Variants in EPHA3 observed in about 807,000 individuals in gnomAD.
EPHA3 encodes ephrin type-A receptor 3.
In EPHA3, 42 loss-of-function variants were observed where a neutral mutation model predicts 107.1. That is an observed-to-expected ratio of 0.39 (90% CI 0.31 to 0.51). EPHA3 has a LOEUF of 0.51. Ranked by LOEUF, EPHA3 falls within the 20% of genes least tolerant of loss-of-function variation. EPHA3 has a pLI of 0.78. For missense variants in EPHA3, 1,183 were observed against 1,211.2 expected, an observed-to-expected ratio of 0.98 and a Z score of 0.35; for synonymous variants, 461 against 424.8, an observed-to-expected ratio of 1.09 and a Z score of -1.05.
At chr3:89,295,609 A>G (rs1706329584) in intron 3 of EPHA3, among the ~76,000 whole-genome samples, 1 of 151,976 alleles carries the variant, frequency 6.6e-6, no homozygotes, top group Admixed American at 6.6e-5. Context: ...ATATTTTGAG[A>G]CAGACTCTCT....
chr3:89,404,481 C>T (rs1709019210), intron 7 of EPHA3, among the ~76,000 whole-genome samples: 1 of 152,110 alleles, frequency 6.6e-6, no homozygotes, highest in Non-Finnish European at 1.5e-5. Flanking sequence ...AAAGCCAGCA[C>T]TCTGTGTAGG....
At chr3:89,296,969 T>C (rs1231873413) in intron 3 of EPHA3, among the ~76,000 whole-genome samples, 1 of 152,210 alleles carries the variant, frequency 6.6e-6, no homozygotes, top group Non-Finnish European at 1.5e-5. Flanking sequence ...CTCTGCTAGC[T>C]GTCAACATTT....
rs1451250343 is a variant in EPHA3, at chr3:89,165,797, G to C, written c.153+38524G>C. ...CAGGCCTTGAATGATAAAGGCCCCTGCCGTTCTGGAACTTGGTCATGCTGT... is the reference window on the plus strand; with the variant it reads ...CAGGCCTTGAATGATAAAGGCCCCTCCCGTTCTGGAACTTGGTCATGCTGT... On this transcript the variant is annotated intron_variant, in intron 2 of 16. Transcript: ENST00000336596. 2.6e-5 allele frequency among the ~76,000 whole-genome samples: 4 copies of C among 152,128 alleles called. No homozygotes were observed. In the East Asian group the frequency reaches 7.7e-4, roughly 29 times the overall value.
Position 89,368,317 on chromosome 3 carries a change from A to T in EPHA3, c.1306+26227A>T, listed in dbSNP as rs1272258524. 1.3e-5 allele frequency among the ~76,000 whole-genome samples: 2 copies of T among 150,580 alleles called. 1 individual carries two copies. The highest frequency in any genetic ancestry group is 3.0e-5 in the Non-Finnish European group (2 of 67,196). On this transcript the variant is annotated intron_variant, in intron 5 of 16. Coordinates refer to ENST00000336596, the MANE Select transcript of EPHA3 (RefSeq NM_005233.6). ...AATTAAAAAAAGACAAAGCAGAACT[A>T]TAAGGTAGTATATTAGTTAGGGCAC...
intron 3 of EPHA3, among the ~76,000 whole-genome samples, chr3:89,335,465 C>A (rs1410508632): frequency 4.6e-5 from 7 of 152,248 alleles, no homozygotes; most frequent in African/African-American, 1.7e-4. Flanking sequence ...TCATTCACAT[C>A]ATAGCAAGTG....
At chr3:89,136,453 T>C (rs779403722) in intron 2 of EPHA3, among the ~76,000 whole-genome samples, 1 of 150,974 alleles carries the variant, frequency 6.6e-6, no homozygotes, top group Non-Finnish European at 1.5e-5. Context: ...TAGCGACTTT[T>C]AATTTATAAA....
chr3:89,300,166 T>C (rs770644561), intron 3 of EPHA3, among the ~76,000 whole-genome samples: 2 of 151,946 alleles, frequency 1.3e-5, no homozygotes, highest in Non-Finnish European at 2.9e-5. Flanking sequence ...AAGAAACTAC[T>C]AAAGTCTCAA....
chr3:89,374,941 C>T (rs1329438458), intron 5 of EPHA3, among the ~76,000 whole-genome samples: 1 of 151,774 alleles, frequency 6.6e-6, no homozygotes, highest in African/African-American at 2.4e-5. Flanking sequence ...CTTCATTCCA[C>T]TATAGCAACT....
chr3:89,206,623 A>G (rs1706113261), intron 2 of EPHA3, among the ~76,000 whole-genome samples: 1 of 152,142 alleles, frequency 6.6e-6, no homozygotes, highest in African/African-American at 2.4e-5. Context: ...TTTTAACACC[A>G]GAGATTTTTG....
intron 3 of EPHA3, among the ~76,000 whole-genome samples, chr3:89,339,370 CAAAAAA>C (rs10575384): frequency 1.9e-5 from 2 of 106,632 alleles, no homozygotes; most frequent in African/African-American, 3.6e-5. Flanking sequence ...GACTCCATCT[CAAAAAA>C]AAAAAAAAAA....
At chr3:89,475,022 A>G (rs1013345918) in intron 16 of EPHA3, among the ~76,000 whole-genome samples, 1 of 152,102 alleles carries the variant, frequency 6.6e-6, no homozygotes, top group African/African-American at 2.4e-5. Flanking sequence ...TTTCTCCTCA[A>G]TTCAGGGACA....
intron 2 of EPHA3, among the ~76,000 whole-genome samples, chr3:89,195,593 T>C (rs1017008051): frequency 6.6e-6 from 1 of 152,154 alleles, no homozygotes; most frequent in African/African-American, 2.4e-5. Context: ...ATATCAATCG[T>C]TTGTCAAGTC....
chr3:89,378,645 C>T (rs1409391382), intron 5 of EPHA3, among the ~76,000 whole-genome samples: 1 of 152,118 alleles, frequency 6.6e-6, no homozygotes, highest in Non-Finnish European at 1.5e-5. Context: ...TCTATATAGG[C>T]TAATGACAAT....
intron 3 of EPHA3, among the ~76,000 whole-genome samples, chr3:89,315,645 A>G (rs1706879844): frequency 1.3e-5 from 2 of 150,878 alleles, no homozygotes; most frequent in South Asian, 2.1e-4. Flanking sequence ...AATCTTGTCC[A>G]CTTAACCATC....
rs1199524214 is a variant in EPHA3 at position 89,205,131 on chromosome 3, A to G, written c.154-4729A>G. 2.0e-5 allele frequency among the ~76,000 whole-genome samples: 3 copies of G among 152,308 alleles called. No homozygotes were observed. The East Asian group carries it at 5.8e-4, about 29-fold the overall frequency. ...GCAATCTTAATATTTTCCAAATTAT[A>G]TTAGCTTGTGCACTAAATTTATTGC... On this transcript the variant is annotated intron_variant, in intron 2 of 16. Coordinates refer to ENST00000336596, the MANE Select transcript of EPHA3 (RefSeq NM_005233.6).
At chr3:89,381,936 C>T (rs1294923936) in intron 5 of EPHA3, among the ~76,000 whole-genome samples, 2 of 152,100 alleles carry the variant, frequency 1.3e-5, no homozygotes, top group African/African-American at 4.8e-5. Flanking sequence ...TGTTTATAAG[C>T]TGTTCAGTTT....
intron 11 of EPHA3, among the ~76,000 whole-genome samples, chr3:89,423,957 A>G (rs1404781481): frequency 6.6e-6 from 1 of 151,484 alleles, no homozygotes; most frequent in Non-Finnish European, 1.5e-5. Context: ...TAGAGAAAGA[A>G]GAAATATGAT....
chr3:89,263,388 T>C (rs1474641707), intron 3 of EPHA3, among the ~76,000 whole-genome samples: 1 of 152,204 alleles, frequency 6.6e-6, no homozygotes, highest in African/African-American at 2.4e-5. Context: ...GCCAGTGTGA[T>C]AGGCTTTTGT....
At chr3:89,205,125 A>G (rs150957602) in intron 2 of EPHA3, among the ~76,000 whole-genome samples, 2 of 152,274 alleles carry the variant, frequency 1.3e-5, no homozygotes, top group African/African-American at 4.8e-5. Context: ...ATATTTTCCA[A>G]ATTATATTAG....
Sources: allele counts gnomAD v4.1 joint callset (sites outside exome capture counted in the v4.1 genomes callset), GRCh38; gene constraint gnomAD v4.1.1; transcripts MANE v1.5; gene names NCBI Gene and HGNC (gene_info 2026-07-23, HGNC 2026-07-21).